The following PLCH2 variants were observed in gnomAD, a reference collection of about 807,000 sequenced individuals.
PLCH2 encodes the protein phospholipase C eta 2.
Under a neutral mutation model 134.7 loss-of-function variants are expected in PLCH2, and 98 were observed. That is an observed-to-expected ratio of 0.73 (90% CI 0.62 to 0.86). PLCH2 has a LOEUF of 0.86. PLCH2 is among the 40% of genes least tolerant of loss of function. The pLI, the probability that PLCH2 is intolerant of heterozygous loss-of-function variation, is 0.00. For synonymous variants in PLCH2, 974 were observed against 827.5 expected (o/e 1.18, Z -3.04); for missense variants, 1,994 against 1,986.6 (o/e 1.00, Z -0.07).
upstream of PLCH2, chr1:2,476,279 C>A (rs1052536854): frequency 1.7e-5 from 5 of 288,520 alleles, no homozygotes; most frequent in East Asian, 3.0e-4. Context: ...TGGGGCTGGG[C>A]GGGGCTGAGG....
At chr1:2,453,260 G>A (rs906315601) in intron 2 of PLCH2, among the ~76,000 whole-genome samples, 8 of 152,112 alleles carry the variant, frequency 5.3e-5, no homozygotes, top group South Asian at 2.1e-4. Flanking sequence ...TGTGGGCGCC[G>A]TGCTCCCTGG....
At chr1:2,503,024 G>A in intron 21 of PLCH2, 1 of 714,154 alleles carries the variant, frequency 1.4e-6, no homozygotes, top group East Asian at 2.7e-5. Flanking sequence ...CGTGCTCGTG[G>A]CTCTGTATCC....
chr1:2,463,638 A>G (rs1640927197), upstream of PLCH2, among the ~76,000 whole-genome samples: 1 of 151,318 alleles, frequency 6.6e-6, no homozygotes, highest in Non-Finnish European at 1.5e-5. Context: ...CAGCCCGGAG[A>G]CTGGTCAGAG....
At chr1:2,470,216 G>C (rs971375285) in intron 1 of PLCH2, among the ~76,000 whole-genome samples, 1 of 152,214 alleles carries the variant, frequency 6.6e-6, no homozygotes, top group Non-Finnish European at 1.5e-5. Context: ...TCAGGTCCCT[G>C]TTGTGGAGGT....
rs532800575 is a variant in PLCH2 at position 2,491,211 on chromosome 1, G to A, written c.1535G>A (p.Arg512His). 3.2e-4 allele frequency: 514 copies of A among 1,612,824 alleles called. 3 individuals are homozygous for A. The highest frequency in any genetic ancestry group is 3.2e-3 in the South Asian group (290 of 91,038). ...CTGCAGGCATCCACCAATCGAAAGC[G>A]TGTAGAAAACACTGCTAAGAGGAAA... ...LNGDASTNRK[R>H]VENTAKRKLD... Residue 512 changes from arginine (R) to histidine (H), a missense_variant, in exon 11 of 22, where the codon CGT (arginine) becomes CAT (histidine). Arg to His is a conservative substitution (Grantham distance 29). Around this residue, in one of 2 missense-constraint regions of PLCH2, gnomAD observed 1,094 missense variants for 1,234.3 expected, o/e 0.89. Transcript: ENST00000378486.
chr1:2,432,554 C>G (rs1639117809), intron 2 of PLCH2, among the ~76,000 whole-genome samples: 1 of 152,212 alleles, frequency 6.6e-6, no homozygotes, highest in African/African-American at 2.4e-5. Flanking sequence ...GACTGCTGGG[C>G]ACGTGGCCGG....
chr1:2,488,032 T>C (rs374538663), intron 8 of PLCH2, among the ~76,000 whole-genome samples: 2 of 152,248 alleles, frequency 1.3e-5, no homozygotes, highest in African/African-American at 2.4e-5. Context: ...CCAGACTCAA[T>C]TGGCTGTCAC....
At position 2,504,000 on chromosome 1, in the gene PLCH2, G is replaced by A; in HGVS notation, c.3038G>A (p.Gly1013Asp). The change falls in exon 22 of 22, where the codon GGC (glycine) becomes GAC (aspartate). Residue 1013 changes from glycine (G) to aspartate (D), a missense_variant. By Grantham distance (94) the Gly-to-Asp change is moderately conservative. Transcript: ENST00000378486. ...ACCATCGCTGAGGAGCCCGCCCCAG[G>A]CCCTGGTCCCCCGCCACCAGCGGCT... is the stretch of plus-strand genomic sequence containing the variant. ...LETIAEEPAP[G>D]PGPPPPAAVP... 1.3e-6 allele frequency: 2 copies of A among 1,525,562 alleles called. No individual in the cohort carries two copies. Among genetic ancestry groups the A allele is most frequent in the Non-Finnish European group, 1.8e-6 (2 of 1,125,416 alleles). The allele number at this position is 1,525,562 out of a possible 1,614,324, so 94.5% of individuals were successfully genotyped here.
upstream of PLCH2, among the ~76,000 whole-genome samples, chr1:2,424,755 A>G (rs1027813772): frequency 3.9e-5 from 6 of 152,230 alleles, no homozygotes; most frequent in Non-Finnish European, 7.3e-5. Flanking sequence ...TGGGAGGCCA[A>G]GGCGGGCGGA....
chr1:2,441,210 G>C (rs1283047420), intron 2 of PLCH2, among the ~76,000 whole-genome samples: 1 of 152,184 alleles, frequency 6.6e-6, no homozygotes, highest in African/African-American at 2.4e-5. Flanking sequence ...AGTGGAGAGA[G>C]CCCCCCTGGC....
At position 2,448,600 on chromosome 1, in the gene PLCH2, G is replaced by A. The variant is rs765363987; in HGVS notation, c.115+17971G>A. Among the ~76,000 whole-genome samples the A allele has an allele frequency of 1.9e-4, 29 of 152,236 alleles. No homozygotes were observed. The highest frequency in any genetic ancestry group is 2.4e-4 in the African/African-American group (10 of 41,532). On this transcript the variant is annotated intron_variant, in intron 2 of 3. Coordinates refer to the PLCH2 transcript ENST00000609981. The surrounding 1 kb of genome is among the most constrained non-coding windows in gnomAD (Gnocchi z 4.0). The stretch of plus-strand genomic sequence containing the variant: ...CTGGGATGCGGATGTGTTTTCTGTC[G>A]GGGGTCGCCCTTCAGCCCCCTACTG...
At chr1:2,425,964 C>G (rs1379276271), upstream of PLCH2, 1 of 152,278 alleles carries the variant, frequency 6.6e-6, no homozygotes, top group East Asian at 1.9e-4. Context: ...GCTCGAGAGC[C>G]TCCTCCCAGG....
chr1:2,489,873 T>A lies in PLCH2; in HGVS notation c.1515+6T>A. ...GCAAGCTCCTCAATGGGGATGTGAG[T>A]CGGGCTGGAGGTGGAGGGGGGCGCG... is the stretch of plus-strand genomic sequence containing the variant. On this transcript the variant is annotated splice_donor_region_variant and intron_variant, in intron 10 of 21. Transcript: ENST00000378486. 6.2e-7 allele frequency: 1 copy of A among 1,603,048 alleles called. No individual in the cohort carries two copies. The highest frequency in any genetic ancestry group is 8.5e-7 in the Non-Finnish European group (1 of 1,170,276).
rs765311142 is a variant in PLCH2 at position 2,502,547 on chromosome 1, G to A, written c.2959+138G>A. 8.0e-4 allele frequency: 766 copies of A among 959,040 alleles called. 1 individual carries two copies. Among genetic ancestry groups the A allele is most frequent in the Non-Finnish European group, 5.7e-4 (350 of 609,672 alleles). 59.4% of individuals were successfully genotyped at this position (959,040 alleles called of 1,614,324 possible). On this transcript the variant is annotated intron_variant, in intron 21 of 21. Transcript: ENST00000378486. Reference sequence around the variant, plus strand: ...GGGATCCTGCGCCGGCGTGAACACCGGGGGCCTGCAGAGGGAGCGGCCACC... The same window carrying A: ...GGGATCCTGCGCCGGCGTGAACACCAGGGGCCTGCAGAGGGAGCGGCCACC...
intron 2 of PLCH2, among the ~76,000 whole-genome samples, chr1:2,458,970 G>A (rs1180336209): frequency 2.0e-5 from 3 of 151,806 alleles, no homozygotes; most frequent in African/African-American, 7.3e-5. Context: ...CCTGGGCCAC[G>A]CCGGTCTTGC....
intron 2 of PLCH2, among the ~76,000 whole-genome samples, chr1:2,457,743 C>T (rs921893923): frequency 2.6e-5 from 4 of 152,108 alleles, no homozygotes; most frequent in Non-Finnish European, 5.9e-5. Flanking sequence ...CCTGGCTGCA[C>T]CCTGGTACCC....
intron 2 of PLCH2, among the ~76,000 whole-genome samples, chr1:2,457,056 C>G (rs1362602461): frequency 6.6e-6 from 1 of 152,236 alleles, no homozygotes; most frequent in Non-Finnish European, 1.5e-5. Flanking sequence ...CCCCGGGGCT[C>G]CAGTCCTCAG....
rs577011613 is a variant in PLCH2 at position 2,505,000 on chromosome 1, G to C, written c.4038G>C (p.Val1346=). Residue 1346 remains valine (V), a synonymous_variant, in exon 22 of 22, where the codon GTG becomes GTC. Transcript: ENST00000378486. Reference sequence around the variant, plus strand: ...CCTCCTCCCGCAGCCACAGCCGCGTGCGTGCCATTGCCAGCCGGGCCCGCC... The same window carrying C: ...CCTCCTCCCGCAGCCACAGCCGCGTCCGTGCCATTGCCAGCCGGGCCCGCC... ...RRSSSRSHSR[V]RAIASRARQA... The C allele has an allele frequency of 2.7e-5, 42 of 1,545,918 alleles. No homozygotes were observed. The African/African-American group carries it at 5.5e-4, about 20-fold the overall frequency.
In PLCH2 at chr1:2,499,238, G is replaced by A. The variant is rs756173616; in HGVS notation, c.2581+8G>A. The A allele has an allele frequency of 1.2e-6, 2 of 1,612,424 alleles. No homozygotes were observed. The highest frequency in any genetic ancestry group is 1.7e-6 in the Non-Finnish European group (2 of 1,179,602). ...TCAGCAGCATGATGCCAGGTGGGCA[G>A]GAGTGGACACGGTGCCCCCCACACT... On this transcript the variant is annotated splice_region_variant and intron_variant, in intron 19 of 21. Transcript: ENST00000378486.
Sources: gnomAD v4.1 joint callset for allele counts (sites outside exome capture counted in the v4.1 genomes callset) on GRCh38, gnomAD v4.1.1 for gene constraint, gnomAD v4.1.1 regional missense constraint, Gnocchi (gnomAD v3.1) non-coding constraint, MANE v1.5 for transcripts, NCBI Gene and HGNC (gene_info 2026-07-23, HGNC 2026-07-21) for gene names.